Variants in SLK observed in about 807,000 individuals in gnomAD.
SLK encodes the protein STE20-like serine/threonine-protein kinase.
SLK carries 67 observed loss-of-function variants against 147.7 expected under a neutral mutation model. The observed-to-expected ratio is 0.45, with a 90% confidence interval of 0.37 to 0.56. The LOEUF (loss-of-function observed/expected upper bound fraction) is 0.56, where lower values mean the gene tolerates loss of function less well. Among genes scored for constraint, SLK ranks in the 20% least tolerant of loss-of-function variants. SLK has a pLI of 0.00. For synonymous variants in SLK, 441 were observed against 475.0 expected, an observed-to-expected ratio of 0.93 and a Z score of 0.93; for missense variants, 1,136 against 1,438.8, an observed-to-expected ratio of 0.79 and a Z score of 3.41.
Position 104,018,307 on chromosome 10 carries a change from A to G in SLK, c.3007+18A>G, listed in dbSNP as rs1477775571. ...CATGAGAGGTAATTTTTTTAAAATT[A>G]AGAAATACTGCAAAATGTAGAATTC... On this transcript the variant is annotated intron_variant, in intron 14 of 18. Transcript: ENST00000369755. The G allele has an allele frequency of 2.5e-6, 4 of 1,591,864 alleles. No homozygotes were observed. The African/African-American group carries it at 5.5e-5, about 22-fold the overall frequency.
chr10:103,998,896 A>G lies in SLK; in HGVS notation c.515-3A>G. The G allele has an allele frequency of 2.5e-6, 4 of 1,606,318 alleles. No homozygotes were observed. The highest frequency in any genetic ancestry group is 3.4e-6 in the Non-Finnish European group (4 of 1,173,294). The stretch of plus-strand genomic sequence containing the variant: ...ATTAATGCTTTTGTGTGATTATTTC[A>G]AGCGGATTTTGGAGTATCAGCTAAA... On this transcript the variant is annotated splice_polypyrimidine_tract_variant and splice_region_variant and intron_variant, in intron 4 of 18. Coordinates refer to ENST00000369755, the MANE Select transcript of SLK (RefSeq NM_014720.4).
At chr10:104,022,483 G>C (rs535527365) in intron 18 of SLK, among the ~76,000 whole-genome samples, 2 of 152,224 alleles carry the variant, frequency 1.3e-5, no homozygotes, top group South Asian at 4.1e-4. Flanking sequence ...CTTTGTTTTG[G>C]GGGGAGCTTC....
chr10:103,990,919 C>A, intron 2 of SLK, 80 bp downstream of exon 2: 2 of 802,466 alleles, frequency 2.5e-6, no homozygotes, highest in Non-Finnish European at 3.6e-6. Flanking sequence ...TTATTAAAAC[C>A]TATTTTATGT....
In SLK at chr10:104,002,962, G is replaced by A. The variant is rs753896126; in HGVS notation, c.1784G>A (p.Gly595Asp). 4 of 1,613,712 alleles carry A rather than the reference G, an allele frequency of 2.5e-6. No individual in the cohort carries two copies. Among genetic ancestry groups the A allele is most frequent in the Non-Finnish European group, 3.4e-6 (4 of 1,179,732 alleles). Reference sequence around the variant, plus strand: ...AAGCCCATGGTGGGTCCTGAGGCTGGTGGTACTAAGGAAGTTCCTATTAAA... The same window carrying A: ...AAGCCCATGGTGGGTCCTGAGGCTGATGGTACTAAGGAAGTTCCTATTAAA... ...INKPMVGPEA[G>D]GTKEVPIKEI... The change falls in exon 9 of 19, where the codon GGT becomes GAT. Residue 595 changes from glycine (G) to aspartate (D), a missense_variant. Around this residue, in one of 6 missense-constraint regions of SLK, gnomAD observed 516 missense variants for 531.3 expected, o/e 0.97. Coordinates refer to ENST00000369755, the MANE Select transcript of SLK (RefSeq NM_014720.4).
At chr10:104,008,471 T>G in intron 12 of SLK, 115 bp downstream of exon 12, 1 of 668,872 alleles carries the variant, frequency 1.5e-6, no homozygotes, top group Non-Finnish European at 2.5e-6. Flanking sequence ...TAGCACCTAT[T>G]CATTCTTTCA....
rs1843735060 is a variant in SLK at position 103,967,737 on chromosome 10, G to C, written c.-9G>C. 6.2e-7 allele frequency: 1 copy of C among 1,613,774 alleles called. No individual in the cohort carries two copies. The highest frequency in any genetic ancestry group is 2.2e-5 in the East Asian group (1 of 44,866). On this transcript the variant is annotated 5_prime_UTR_variant, in exon 1 of 19. Coordinates refer to ENST00000369755, the MANE Select transcript of SLK (RefSeq NM_014720.4). ...CTTAAGTGCAAGGAACTCTGTGTTGGGAGGAAAAATGTCCTTCTTCAATTT... is the reference window on the plus strand; with the variant it reads ...CTTAAGTGCAAGGAACTCTGTGTTGCGAGGAAAAATGTCCTTCTTCAATTT...
intron 1 of SLK, among the ~76,000 whole-genome samples, chr10:103,974,185 C>T (rs936577684): frequency 6.6e-6 from 1 of 152,088 alleles, no homozygotes; most frequent in African/African-American, 2.4e-5. Flanking sequence ...TGACAGCCTC[C>T]ACCCACCACT....
At chr10:103,998,379 A>G (rs1380228983) in intron 4 of SLK, among the ~76,000 whole-genome samples, 2 of 152,188 alleles carry the variant, frequency 1.3e-5, no homozygotes, top group Non-Finnish European at 2.9e-5. Context: ...GGGATTAACA[A>G]CTGAAAAAGC....
intron 13 of SLK, among the ~76,000 whole-genome samples, chr10:104,013,348 TCAAG>T (rs1488098864): frequency 1.3e-5 from 2 of 152,232 alleles, no homozygotes; most frequent in Non-Finnish European, 2.9e-5. Flanking sequence ...CTGCTTCAAC[TCAAG>T]CAACACCACT....
intron 4 of SLK, among the ~76,000 whole-genome samples, chr10:103,994,745 A>T (rs1281459598): frequency 2.6e-5 from 4 of 152,236 alleles, no homozygotes; most frequent in Non-Finnish European, 5.9e-5. Context: ...GTAATGAAAC[A>T]CTGATCCATG....
Position 104,018,205 on chromosome 10 carries a change from C to CT in SLK, c.2924dup (p.Lys976GlufsTer13). 1 of 1,606,516 alleles carries CT rather than the reference C, an allele frequency of 6.2e-7. No homozygotes were observed. The highest frequency in any genetic ancestry group is 8.5e-7 in the Non-Finnish European group (1 of 1,177,982). The stretch of plus-strand genomic sequence containing the variant: ...ACAACAGCAAGAATTAGATGGCTCT[C>CT]TGAAAAAGATCATCCAGCAGCAGAA... On this transcript the variant is annotated frameshift_variant, in exon 14 of 19. Transcript: ENST00000369755. LOFTEE classifies it high-confidence loss of function.
chr10:104,012,255 A>G (rs979331961), intron 13 of SLK, among the ~76,000 whole-genome samples: 1 of 152,196 alleles, frequency 6.6e-6, no homozygotes, highest in Non-Finnish European at 1.5e-5. Flanking sequence ...ACTGCCATTT[A>G]CTTGTCACCA....
intron 11 of SLK, among the ~76,000 whole-genome samples, chr10:104,007,637 GA>G (rs58255884): frequency 0.23 from 32,554 of 140,630 alleles, 3,955 homozygotes; most frequent in African/African-American, 0.35. Flanking sequence ...AAACAGAAAA[GA>G]AAAAAAAAAA....
chr10:103,996,335 GTTT>G (rs780860379), intron 4 of SLK, among the ~76,000 whole-genome samples: 1 of 121,960 alleles, frequency 8.2e-6, no homozygotes, highest in Admixed American at 8.0e-5. Flanking sequence ...GATGCTAAAA[GTTT>G]TTTTTTTTTT....
intron 4 of SLK, 111 bp downstream of exon 4, chr10:103,993,244 A>G: frequency 1.5e-6 from 1 of 687,074 alleles, no homozygotes; most frequent in South Asian, 2.9e-5. Context: ...AACATGGAGA[A>G]CTAACTCCAT....
rs181238502 is a variant in SLK, at chr10:104,016,115, A to G, written c.2878-2045A>G. ...GGGCGAATCACAAGGTCAGGAGATC[A>G]AGACCATCCTGGCTACCACGGTGAA... On this transcript the variant is annotated intron_variant, in intron 13 of 18. Transcript: ENST00000369755. Among the ~76,000 whole-genome samples, 771 of 152,174 alleles carry G rather than the reference A, an allele frequency of 5.1e-3. 5 individuals are homozygous for G. The highest frequency in any genetic ancestry group is 0.023 in the East Asian group (119 of 5,164).
intron 2 of SLK, 96 bp downstream of exon 2, chr10:103,990,935 CTCT>C: frequency 1.5e-6 from 1 of 652,854 alleles, no homozygotes; most frequent in Non-Finnish European, 2.3e-6. Flanking sequence ...TATGTCTTAT[CTCT>C]TCTATTTAGT....
chr10:104,024,120 TTA>T (rs1229805082), intron 18 of SLK, among the ~76,000 whole-genome samples: 1 of 152,242 alleles, frequency 6.6e-6, no homozygotes, highest in African/African-American at 2.4e-5. Context: ...GAAACCAGAA[TTA>T]TTTTTCATTT....
In SLK at chr10:104,010,902, T is replaced by A; in HGVS notation, c.2871T>A (p.His957Gln). 2 of 1,577,920 alleles carry A rather than the reference T, an allele frequency of 1.3e-6. No individual in the cohort carries two copies. The highest frequency in any genetic ancestry group is 1.7e-6 in the Non-Finnish European group (2 of 1,168,494). ...RRKEELAQSQ[H>Q]AQEQEFVQKQ... is the part of the protein sequence containing the mutation. Reference sequence around the variant, plus strand: ...AAGAGGAGCTTGCACAAAGCCAGCATGCTCAGGTAACAGCAGCAGCTTAAT... The same window carrying A: ...AAGAGGAGCTTGCACAAAGCCAGCAAGCTCAGGTAACAGCAGCAGCTTAAT... The change falls in exon 13 of 19, where the codon CAT becomes CAA. Residue 957 changes from histidine (H) to glutamine (Q), a missense_variant. His to Gln is a conservative substitution (Grantham distance 24, BLOSUM62 0). Transcript: ENST00000369755.
Sources: allele counts gnomAD v4.1 joint callset (sites outside exome capture counted in the v4.1 genomes callset), GRCh38; gene constraint gnomAD v4.1.1; regional missense constraint gnomAD v4.1.1; transcripts MANE v1.5; gene names NCBI Gene and HGNC (gene_info 2026-07-23, HGNC 2026-07-21).